Variants in ATRN observed in about 807,000 individuals in gnomAD.
The protein encoded by ATRN is attractin-2.
ATRN carries 54 observed loss-of-function variants against 178.7 expected under a neutral mutation model. The ratio of observed to expected loss-of-function variants is 0.30; its 90% CI spans 0.24 to 0.38. The LOEUF (loss-of-function observed/expected upper bound fraction) is 0.38, where lower values mean the gene tolerates loss of function less well. Ranked by LOEUF, ATRN falls within the 10% of genes least tolerant of loss-of-function variation. The probability of loss-of-function intolerance (pLI) is 1.00; values close to 1 mark genes in which losing one functional copy is unlikely to be tolerated. For synonymous variants in ATRN, 636 were observed against 663.0 expected (o/e 0.96, Z 0.63); for missense variants, 1,443 against 1,815.1 (o/e 0.79, Z 3.73).
chr20:3,484,088 A>G (rs2084658799), intron 1 of ATRN, among the ~76,000 whole-genome samples: 1 of 152,108 alleles, frequency 6.6e-6, no homozygotes, highest in Non-Finnish European at 1.5e-5. Context: ...TCTCTATAAA[A>G]AAATTTAAAA....
chr20:3,569,041 C>T (rs930809999), intron 11 of ATRN, among the ~76,000 whole-genome samples: 3 of 152,146 alleles, frequency 2.0e-5, no homozygotes, highest in African/African-American at 7.2e-5. Flanking sequence ...TGTGTGTCAA[C>T]TCAAATTTTT....
chr20:3,634,322 C>G lies in ATRN; in HGVS notation c.3875C>G (p.Ser1292Cys), dbSNP rs2087010180. The change falls in exon 26 of 29, where the codon TCT (serine) becomes TGT (cysteine). Residue 1292 changes from serine (S) to cysteine (C), a missense_variant. Physicochemically the swap from Ser to Cys is moderately radical, Grantham distance 112. Around this residue, in one of 4 missense-constraint regions of ATRN, gnomAD observed 289 missense variants for 440.8 expected, o/e 0.66. Coordinates refer to ENST00000262919, the MANE Select transcript of ATRN (RefSeq NM_139321.3). ...FFVTFFSCFL[S>C]LLLVAAVVWK... is the part of the protein sequence containing the mutation. ...TTCCTTTCTCACAGTTGTTTCCTCT[C>G]TTTGCTCCTGGTGGCTGCTGTGGTT... 1 of 1,612,346 alleles carries G rather than the reference C, an allele frequency of 6.2e-7. No homozygotes were observed. Among genetic ancestry groups the G allele is most frequent in the Non-Finnish European group, 8.5e-7 (1 of 1,178,774 alleles).
intron 24 of ATRN, among the ~76,000 whole-genome samples, chr20:3,614,735 A>G (rs1367747009): frequency 1.3e-5 from 2 of 152,152 alleles, no homozygotes; most frequent in East Asian, 3.8e-4. Context: ...ACCCGTCACT[A>G]CAGCCAATTT....
At chr20:3,594,633 C>A in intron 20 of ATRN, 61 bp downstream of exon 20, 1 of 1,423,448 alleles carries the variant, frequency 7.0e-7, no homozygotes, top group Non-Finnish European at 9.6e-7. Context: ...CTGCCTGAAC[C>A]CCACCCTGAG....
At chr20:3,521,246 C>T (rs2085291559) in intron 1 of ATRN, among the ~76,000 whole-genome samples, 1 of 151,736 alleles carries the variant, frequency 6.6e-6, no homozygotes, top group African/African-American at 2.4e-5. Flanking sequence ...ACTTTGCATA[C>T]AAAGGATTCT....
intron 26 of ATRN, among the ~76,000 whole-genome samples, chr20:3,635,049 A>G (rs2087015725): frequency 6.6e-6 from 1 of 152,114 alleles, no homozygotes; most frequent in Non-Finnish European, 1.5e-5. Context: ...ATATATTTAT[A>G]TACATTTGCA....
chr20:3,541,796 C>T (rs909709849), intron 3 of ATRN, among the ~76,000 whole-genome samples: 2 of 152,332 alleles, frequency 1.3e-5, no homozygotes, highest in South Asian at 4.1e-4. Context: ...TTTTCACCTG[C>T]AACTGGCTTT....
At chr20:3,613,394 G>A (rs2086793484) in intron 24 of ATRN, among the ~76,000 whole-genome samples, 1 of 152,202 alleles carries the variant, frequency 6.6e-6, no homozygotes, top group Non-Finnish European at 1.5e-5. Context: ...TGTGCGCTAT[G>A]TGGAGGGCTG....
At chr20:3,498,168 T>G (rs900636549) in intron 1 of ATRN, among the ~76,000 whole-genome samples, 2 of 152,046 alleles carry the variant, frequency 1.3e-5, no homozygotes, top group South Asian at 2.1e-4. Context: ...AATAACAGGA[T>G]CTGAAATTGT....
chr20:3,646,665 T>A, intron 28 of ATRN, 58 bp from the exon 29 acceptor site: 1 of 1,485,906 alleles, frequency 6.7e-7, no homozygotes, highest in Non-Finnish European at 9.0e-7. Context: ...AATTATTTTT[T>A]AAAACAAAAT....
chr20:3,601,416 G>A (rs185729914), intron 23 of ATRN, among the ~76,000 whole-genome samples: 2 of 152,124 alleles, frequency 1.3e-5, no homozygotes, highest in East Asian at 3.9e-4. Flanking sequence ...CAAATGATTC[G>A]TTTCAATAAA....
At chr20:3,553,723 GT>G (rs1568725545) in intron 6 of ATRN, among the ~76,000 whole-genome samples, 1 of 152,158 alleles carries the variant, frequency 6.6e-6, no homozygotes, top group African/African-American at 2.4e-5. Context: ...GAGCCTGTGT[GT>G]TTGCCCTTCC....
At chr20:3,608,879 A>G (rs1568761950) in intron 24 of ATRN, among the ~76,000 whole-genome samples, 1 of 151,664 alleles carries the variant, frequency 6.6e-6, no homozygotes, top group Non-Finnish European at 1.5e-5. Context: ...GGGCAGGAGA[A>G]TCTCTTGAAC....
chr20:3,584,218 G>A lies in ATRN; in HGVS notation c.2950+135G>A, dbSNP rs540551443. 62 of 940,732 alleles carry A rather than the reference G, an allele frequency of 6.6e-5. No individual in the cohort carries two copies. The African/African-American group carries it at 8.5e-4, about 13-fold the overall frequency. The allele number at this position is 940,732 out of a possible 1,614,324, so 58.3% of individuals were successfully genotyped here. On this transcript the variant is annotated intron_variant, in intron 17 of 28. Transcript: ENST00000262919. ...CATGACCTCTGCTCAAACCTGACCA[G>A]AGACTGCCATCGAGACCTTGCTGCC...
chr20:3,626,950 C>T (rs1163194573), intron 25 of ATRN, among the ~76,000 whole-genome samples: 1 of 151,942 alleles, frequency 6.6e-6, no homozygotes, highest in East Asian at 1.9e-4. Flanking sequence ...CCACGCATGG[C>T]TAATTTTTGT....
intron 1 of ATRN, among the ~76,000 whole-genome samples, chr20:3,488,089 T>G (rs1396166398): frequency 6.6e-6 from 1 of 152,192 alleles, no homozygotes; most frequent in Non-Finnish European, 1.5e-5. Flanking sequence ...GCTAACATGT[T>G]CCCTGCTCTG....
chr20:3,594,126 A>G (rs998572946), intron 19 of ATRN, among the ~76,000 whole-genome samples: 6 of 152,186 alleles, frequency 3.9e-5, no homozygotes, highest in Non-Finnish European at 8.8e-5. Context: ...CTGTGTCCCC[A>G]CACCCAGCAC....
chr20:3,530,659 A>C (rs2085441237), intron 1 of ATRN, among the ~76,000 whole-genome samples: 1 of 152,042 alleles, frequency 6.6e-6, no homozygotes. Context: ...TGCATTTAAT[A>C]ATCTTAATCA....
chr20:3,508,887 T>C (rs1285234333), intron 1 of ATRN, among the ~76,000 whole-genome samples: 1 of 152,214 alleles, frequency 6.6e-6, no homozygotes, highest in African/African-American at 2.4e-5. Context: ...GTATAAGTAC[T>C]AATTTATATT....
Sources: gnomAD v4.1 joint callset for allele counts (sites outside exome capture counted in the v4.1 genomes callset) on GRCh38, gnomAD v4.1.1 for gene constraint, gnomAD v4.1.1 regional missense constraint, MANE v1.5 for transcripts, NCBI Gene and HGNC (gene_info 2026-07-23, HGNC 2026-07-21) for gene names.